The following MEMO1 variants were observed in gnomAD, a reference collection of about 807,000 sequenced individuals.
The protein encoded by MEMO1 is protein MEMO1.
In MEMO1, 6 loss-of-function variants were observed where a neutral mutation model predicts 45.2. That is an observed-to-expected ratio of 0.13 (90% CI 0.07 to 0.26). MEMO1 has a LOEUF of 0.26. Among genes scored for constraint, MEMO1 ranks in the 10% least tolerant of loss-of-function variants. The pLI is 1.00. For synonymous variants in MEMO1, 78 were observed against 124.3 expected (o/e 0.63, Z 2.48); for missense variants, 184 against 370.5 (o/e 0.50, Z 4.13).
intron 2 of MEMO1, among the ~76,000 whole-genome samples, chr2:32,007,094 A>C (rs1477144530): frequency 6.6e-6 from 1 of 152,174 alleles, no homozygotes; most frequent in Non-Finnish European, 1.5e-5. Context: ...TCAACTGAGT[A>C]AGTCCAGTCC....
chr2:31,978,795 CT>C (rs1490474674), intron 2 of MEMO1, among the ~76,000 whole-genome samples: 1 of 152,162 alleles, frequency 6.6e-6, no homozygotes, highest in Non-Finnish European at 1.5e-5. Flanking sequence ...TATTCAGTAT[CT>C]TTTTTCTTTT....
intron 2 of MEMO1, among the ~76,000 whole-genome samples, chr2:31,984,920 T>C (rs1572894509): frequency 6.6e-6 from 1 of 152,234 alleles, no homozygotes; most frequent in African/African-American, 2.4e-5. Context: ...TTTTAATAAA[T>C]GTACCATGTA....
At chr2:31,954,395 T>A (rs1667175533) in intron 2 of MEMO1, among the ~76,000 whole-genome samples, 1 of 152,086 alleles carries the variant, frequency 6.6e-6, no homozygotes, top group Non-Finnish European at 1.5e-5. Context: ...ACCAGCTTGG[T>A]CAACATAGTG....
At chr2:31,943,877 C>T (rs370938722) in intron 2 of MEMO1, among the ~76,000 whole-genome samples, 104 of 152,300 alleles carry the variant, frequency 6.8e-4, no homozygotes, top group African/African-American at 2.4e-3. Context: ...AGTAACTACG[C>T]TACCTTAAAA....
At chr2:31,966,392 A>G (rs924530179) in intron 2 of MEMO1, among the ~76,000 whole-genome samples, 1 of 152,212 alleles carries the variant, frequency 6.6e-6, no homozygotes, top group Non-Finnish European at 1.5e-5. Context: ...TTCTTCTGAA[A>G]GATGAATAGT....
chr2:31,961,426 G>T (rs1667993439), intron 2 of MEMO1, among the ~76,000 whole-genome samples: 2 of 151,710 alleles, frequency 1.3e-5, no homozygotes, highest in Non-Finnish European at 2.9e-5. Context: ...AGAATTTACA[G>T]TGTACCTACA....
chr2:31,879,611 A>G (rs1471364582), intron 8 of MEMO1, among the ~76,000 whole-genome samples: 2 of 152,212 alleles, frequency 1.3e-5, no homozygotes, highest in African/African-American at 4.8e-5. Flanking sequence ...TAAAAAATAA[A>G]CAGGTAAAAT....
At chr2:31,910,533 T>C (rs1277012753) in intron 6 of MEMO1, among the ~76,000 whole-genome samples, 1 of 152,204 alleles carries the variant, frequency 6.6e-6, no homozygotes, top group East Asian at 1.9e-4. Context: ...CCTCACATGA[T>C]GCTTCTACTA....
chr2:31,935,253 T>C (rs1207549809), intron 3 of MEMO1, among the ~76,000 whole-genome samples: 3 of 152,166 alleles, frequency 2.0e-5, no homozygotes, highest in Non-Finnish European at 4.4e-5. Flanking sequence ...AAGAGATCTT[T>C]ACATGTTTGA....
At chr2:31,961,856 C>CA (rs1449506446) in intron 2 of MEMO1, among the ~76,000 whole-genome samples, 5 of 151,574 alleles carry the variant, frequency 3.3e-5, no homozygotes, top group Admixed American at 2.0e-4. Flanking sequence ...ATAAATAAAC[C>CA]AAAAAAATCA....
intron 2 of MEMO1, among the ~76,000 whole-genome samples, chr2:32,000,019 AG>A (rs1673084451): frequency 6.6e-6 from 1 of 151,566 alleles, no homozygotes; most frequent in Admixed American, 6.6e-5. Context: ...TGGGACCACA[AG>A]CACACATCAG....
At chr2:32,003,286 A>C (rs1673636593) in intron 2 of MEMO1, among the ~76,000 whole-genome samples, 1 of 152,236 alleles carries the variant, frequency 6.6e-6, no homozygotes, top group African/African-American at 2.4e-5. Context: ...AACTGCATTT[A>C]AGATATATAT....
At chr2:31,919,934 G>GCA (rs1445656350) in intron 5 of MEMO1, among the ~76,000 whole-genome samples, 1 of 123,060 alleles carries the variant, frequency 8.1e-6, no homozygotes, top group South Asian at 2.9e-4. Flanking sequence ...ACATGCACAT[G>GCA]CACACACACA....
chr2:31,946,753 C>G (rs1054406665), intron 2 of MEMO1, among the ~76,000 whole-genome samples: 1 of 152,054 alleles, frequency 6.6e-6, no homozygotes, highest in Non-Finnish European at 1.5e-5. Flanking sequence ...GTCCCAGCTA[C>G]TTGGGAGGCT....
intron 6 of MEMO1, among the ~76,000 whole-genome samples, chr2:31,909,452 TA>T (rs763758492): frequency 1.3e-5 from 2 of 152,204 alleles, no homozygotes; most frequent in Non-Finnish European, 2.9e-5. Context: ...GTAGCATTTC[TA>T]TATACAAACA....
At chr2:31,926,731 T>C (rs985136648) in intron 4 of MEMO1, among the ~76,000 whole-genome samples, 3 of 151,638 alleles carry the variant, frequency 2.0e-5, no homozygotes, top group African/African-American at 7.3e-5. Flanking sequence ...CCTGTAATCC[T>C]ACCTACTCGG....
chr2:31,926,888 G>A (rs1237148460), intron 4 of MEMO1, among the ~76,000 whole-genome samples: 2 of 129,274 alleles, frequency 1.5e-5, no homozygotes, highest in Non-Finnish European at 3.6e-5. Flanking sequence ...AAAACAAAAA[G>A]TGATTTTTTA....
At chr2:31,943,206 A>T in intron 3 of MEMO1, 96 bp downstream of exon 3, 1 of 885,278 alleles carries the variant, frequency 1.1e-6, no homozygotes, top group Non-Finnish European at 1.9e-6. Context: ...CGGAGGTTGC[A>T]GTGAGCCGAG....
At chr2:31,971,375 C>T (rs750613773) in intron 2 of MEMO1, among the ~76,000 whole-genome samples, 4 of 151,774 alleles carry the variant, frequency 2.6e-5, no homozygotes, top group South Asian at 2.1e-4. Flanking sequence ...AGCCTCCCAA[C>T]GAGCTAGGAC....
Sources: allele counts gnomAD v4.1 joint callset (sites outside exome capture counted in the v4.1 genomes callset), GRCh38; gene constraint gnomAD v4.1.1; transcripts MANE v1.5; gene names NCBI Gene and HGNC (gene_info 2026-07-23, HGNC 2026-07-21).